The following MMP26 variants were observed in gnomAD, a reference collection of about 807,000 sequenced individuals.
MMP26 encodes the protein matrix metallopeptidase 26, also known as matrix metalloproteinase-26.
In MMP26, 33 loss-of-function variants were observed where a neutral mutation model predicts 31.0. That is an observed-to-expected ratio of 1.06 (90% CI 0.81 to 1.42). The LOEUF (loss-of-function observed/expected upper bound fraction) is 1.42, where lower values mean the gene tolerates loss of function less well. Ranked by LOEUF, MMP26 falls within the 40% of genes most tolerant of loss-of-function variation. MMP26 has a pLI of 0.00. For missense variants in MMP26, 347 were observed against 316.1 expected (o/e 1.10, Z -0.74); for synonymous variants, 122 against 114.9 (o/e 1.06, Z -0.40).
chr11:4,789,288 C>T (rs1848989093), intron 2 of MMP26, among the ~76,000 whole-genome samples: 1 of 152,068 alleles, frequency 6.6e-6, no homozygotes, highest in Admixed American at 6.6e-5. Flanking sequence ...AAAGCCTCTT[C>T]TCTTACATTT....
chr11:4,830,758 C>T (rs113365587), intron 2 of MMP26, among the ~76,000 whole-genome samples: 4,175 of 152,302 alleles, frequency 0.027, 87 homozygotes, highest in Non-Finnish European at 0.039. Flanking sequence ...GTCAGTAAAG[C>T]TGACTCCAGG....
chr11:4,929,658 C>T (rs1012842578), intron 2 of MMP26, among the ~76,000 whole-genome samples: 4 of 152,180 alleles, frequency 2.6e-5, no homozygotes, highest in African/African-American at 4.8e-5. Context: ...GAAGGGATAG[C>T]TGTTGTGAGG....
chr11:4,785,232 C>T (rs557577884), intron 2 of MMP26, among the ~76,000 whole-genome samples: 60 of 152,244 alleles, frequency 3.9e-4, no homozygotes, highest in Middle Eastern at 3.4e-3. Context: ...GACAGTTGAT[C>T]ACTGTACTAG....
At chr11:4,745,456 A>T (rs577485630) in intron 1 of MMP26, among the ~76,000 whole-genome samples, 1 of 152,284 alleles carries the variant, frequency 6.6e-6, no homozygotes, top group East Asian at 1.9e-4. Flanking sequence ...TTTGTTAGAT[A>T]AGTTTTAGGT....
chr11:4,890,925 G>T lies in MMP26; in HGVS notation c.-144-97143G>T, dbSNP rs17251629. 5.3e-5 allele frequency among the ~76,000 whole-genome samples: 8 copies of T among 150,152 alleles called. 1 individual carries two copies. In the South Asian group the frequency reaches 1.5e-3, roughly 28 times the overall value. ...CCTTACCCCATTTCAATGACAAATT[G>T]TATAGAGTCAGAATGGACTATAGGA... is the stretch of plus-strand genomic sequence containing the variant. On this transcript the variant is annotated intron_variant, in intron 2 of 7. Coordinates refer to ENST00000380390, the MANE Select transcript of MMP26 (RefSeq NM_021801.5).
chr11:4,728,267 C>T (rs1008223762), intron 1 of MMP26, among the ~76,000 whole-genome samples: 5 of 152,206 alleles, frequency 3.3e-5, no homozygotes, highest in Non-Finnish European at 7.3e-5. Flanking sequence ...TTAAAACTTA[C>T]ACATATTAAT....
chr11:4,864,421 A>G (rs1850207566), intron 2 of MMP26, among the ~76,000 whole-genome samples: 1 of 152,120 alleles, frequency 6.6e-6, no homozygotes. Context: ...TTCCATCACA[A>G]GCATATTCAC....
intron 2 of MMP26, among the ~76,000 whole-genome samples, chr11:4,775,952 C>T (rs1848786342): frequency 6.6e-6 from 1 of 152,110 alleles, no homozygotes; most frequent in Non-Finnish European, 1.5e-5. Flanking sequence ...TCATTTCACT[C>T]CCCTACCCTT....
chr11:4,962,145 C>G (rs1220354026), intron 2 of MMP26, among the ~76,000 whole-genome samples: 3 of 152,138 alleles, frequency 2.0e-5, no homozygotes, highest in Non-Finnish European at 4.4e-5. Flanking sequence ...GAAGCAGCGG[C>G]AACTCAGTGT....
At chr11:4,773,594 GGTTT>G (rs1564906529) in intron 2 of MMP26, among the ~76,000 whole-genome samples, 4 of 141,016 alleles carry the variant, frequency 2.8e-5, no homozygotes, top group Non-Finnish European at 3.0e-5. Flanking sequence ...GTGTTTGTGG[GGTTT>G]TTTTTTTTTT....
chr11:4,740,499 T>G (rs929669103), intron 1 of MMP26, among the ~76,000 whole-genome samples: 1 of 151,844 alleles, frequency 6.6e-6, no homozygotes, highest in East Asian at 1.9e-4. Flanking sequence ...CTGGCCAACA[T>G]AGTGAAACCT....
At chr11:4,713,377 A>C (rs965395232) in intron 1 of MMP26, among the ~76,000 whole-genome samples, 2 of 152,100 alleles carry the variant, frequency 1.3e-5, no homozygotes, top group African/African-American at 2.4e-5. Context: ...CAGGGTTCCA[A>C]GTGAGCTGAG....
chr11:4,779,694 A>G (rs572642231), intron 2 of MMP26, among the ~76,000 whole-genome samples: 2 of 152,164 alleles, frequency 1.3e-5, no homozygotes, highest in African/African-American at 4.8e-5. Flanking sequence ...GCTAAGTCCT[A>G]TTTTTAAGAA....
intron 2 of MMP26, among the ~76,000 whole-genome samples, chr11:4,872,196 A>G (rs936020942): frequency 2.0e-5 from 3 of 152,150 alleles, no homozygotes; most frequent in African/African-American, 7.2e-5. Flanking sequence ...TAGATTGTTT[A>G]TTATTAAAGG....
intron 2 of MMP26, among the ~76,000 whole-genome samples, chr11:4,935,236 T>A (rs1264044078): frequency 6.6e-6 from 1 of 151,352 alleles, no homozygotes; most frequent in African/African-American, 2.4e-5. Context: ...TTTGTTTGTA[T>A]CCTCTTTTAT....
At chr11:4,744,148 A>G (rs1338937794) in intron 1 of MMP26, among the ~76,000 whole-genome samples, 2 of 152,032 alleles carry the variant, frequency 1.3e-5, no homozygotes, top group African/African-American at 4.8e-5. Context: ...GGGATACTAT[A>G]ATTTAAATAT....
At chr11:4,904,914 A>G (rs1850860106) in intron 2 of MMP26, among the ~76,000 whole-genome samples, 1 of 152,108 alleles carries the variant, frequency 6.6e-6, no homozygotes, top group Non-Finnish European at 1.5e-5. Context: ...ATACCTTTTA[A>G]CATGGAGTAG....
At chr11:4,980,175 G>A (rs1846792702) in intron 2 of MMP26, among the ~76,000 whole-genome samples, 1 of 152,002 alleles carries the variant, frequency 6.6e-6, no homozygotes, top group African/African-American at 2.4e-5. Flanking sequence ...TTTTATGACA[G>A]TTTTTCTTTT....
chr11:4,771,308 T>C (rs1023254682), intron 2 of MMP26, among the ~76,000 whole-genome samples: 2 of 152,188 alleles, frequency 1.3e-5, no homozygotes, highest in Admixed American at 1.3e-4. Context: ...ATGAGGACCA[T>C]CATTTGCACT....
Sources: allele counts gnomAD v4.1 joint callset (sites outside exome capture counted in the v4.1 genomes callset), GRCh38; gene constraint gnomAD v4.1.1; transcripts MANE v1.5; gene names NCBI Gene and HGNC (gene_info 2026-07-23, HGNC 2026-07-21).